The following SPAG16 variants were observed in gnomAD, a reference collection of about 807,000 sequenced individuals.
The protein encoded by SPAG16 is sperm associated antigen 16, also known as sperm-associated antigen 16 protein.
Under a neutral mutation model 80.4 loss-of-function variants are expected in SPAG16, and 86 were observed. The ratio of observed to expected loss-of-function variants is 1.07; its 90% CI spans 0.90 to 1.28. SPAG16 has a LOEUF of 1.28. Among genes scored for constraint, SPAG16 ranks in the 50% most tolerant of loss-of-function variants. The probability of loss-of-function intolerance (pLI) is 0.00; values close to 1 mark genes in which losing one functional copy is unlikely to be tolerated. For synonymous variants in SPAG16, 294 were observed against 265.9 expected (o/e 1.11, Z -1.03); for missense variants, 870 against 765.3 (o/e 1.14, Z -1.61).
chr2:213,791,760 T>C (rs1471504463), intron 10 of SPAG16, among the ~76,000 whole-genome samples: 1 of 152,202 alleles, frequency 6.6e-6, no homozygotes. Context: ...GACAGGCCCT[T>C]ATCATTTAAT....
intron 12 of SPAG16, among the ~76,000 whole-genome samples, chr2:214,001,038 A>G (rs1266398765): frequency 6.6e-6 from 1 of 152,232 alleles, no homozygotes; most frequent in East Asian, 1.9e-4. Context: ...GGAGGTAGAT[A>G]TGGAAAGGAA....
At position 213,957,929 on chromosome 2, in the gene SPAG16, G is replaced by T. The variant is rs1912504; in HGVS notation, c.1400+27784G>T. Among the ~76,000 whole-genome samples, 190 of 152,120 alleles carry T rather than the reference G, an allele frequency of 1.2e-3. 2 individuals are homozygous for T. The East Asian group carries it at 0.021, about 17-fold the overall frequency. ...GACAGCCACTCTCTAGAAAAGCCCC[G>T]ACTGGGAGGAGTATTAGATTGAGAT... is the stretch of plus-strand genomic sequence containing the variant. On this transcript the variant is annotated intron_variant, in intron 12 of 15. Coordinates refer to ENST00000331683, the MANE Select transcript of SPAG16 (RefSeq NM_024532.5).
At chr2:213,374,969 A>G in intron 8 of SPAG16, 41 bp from the exon 9 acceptor site, 2 of 1,417,682 alleles carry the variant, frequency 1.4e-6, no homozygotes, top group South Asian at 2.6e-5. Flanking sequence ...TTATACCGAT[A>G]AACAGTGCAA....
Position 213,642,818 on chromosome 2 carries a change from CTCAAAAAAAAAAAAAAAAAAAAAAAAAA to C in SPAG16, c.1070+152729_1070+152756del, listed in dbSNP as rs2062643675. Among the ~76,000 whole-genome samples, 2 of 20,672 alleles carry C rather than the reference CTCAAAAAAAAAAAAAAAAAAAAAAAAAA, an allele frequency of 9.7e-5. 1 individual carries two copies. Among genetic ancestry groups the C allele is most frequent in the Non-Finnish European group, 2.3e-4 (2 of 8,784 alleles). The allele number at this position is 20,672 out of a possible 152,430, so 13.6% of individuals were successfully genotyped here. On this transcript the variant is annotated intron_variant, in intron 10 of 15. Transcript: ENST00000331683. ...CCTGGGCGACAGAGCGAGACTCTGT[CTCAAAAAAAAAAAAAAAAAAAAAAAAAA>C]AAAGAGAGACTGGTCTAACCTCCCA...
chr2:213,985,459 C>G (rs1235408985), intron 12 of SPAG16, among the ~76,000 whole-genome samples: 1 of 152,028 alleles, frequency 6.6e-6, no homozygotes, highest in Non-Finnish European at 1.5e-5. Flanking sequence ...CAAATACTGA[C>G]AAATCTATTT....
At chr2:214,302,359 C>T (rs970106684) in intron 15 of SPAG16, among the ~76,000 whole-genome samples, 21 of 152,132 alleles carry the variant, frequency 1.4e-4, no homozygotes, top group Non-Finnish European at 8.8e-5. Flanking sequence ...TTGATAATGC[C>T]GTCATGTAAT....
intron 10 of SPAG16, among the ~76,000 whole-genome samples, chr2:213,722,080 G>T (rs986876553): frequency 2.0e-5 from 3 of 152,024 alleles, no homozygotes; most frequent in Non-Finnish European, 4.4e-5. Flanking sequence ...GCCCTCAAGG[G>T]GGAAGAAATA....
intron 15 of SPAG16, among the ~76,000 whole-genome samples, chr2:214,300,800 C>A (rs961981867): frequency 6.6e-6 from 1 of 151,738 alleles, no homozygotes; most frequent in African/African-American, 2.4e-5. Flanking sequence ...GGCCCAGGAG[C>A]GGATGGATTC....
At chr2:213,373,091 A>G (rs2066721168) in intron 8 of SPAG16, among the ~76,000 whole-genome samples, 1 of 152,166 alleles carries the variant, frequency 6.6e-6, no homozygotes, top group Non-Finnish European at 1.5e-5. Context: ...GGAAAACTGC[A>G]CAGTACCTGT....
At chr2:213,674,712 A>G (rs544207406) in intron 10 of SPAG16, among the ~76,000 whole-genome samples, 3 of 150,158 alleles carry the variant, frequency 2.0e-5, no homozygotes, top group African/African-American at 7.6e-5. Context: ...AAGGACGTGA[A>G]CTCATCATTT....
chr2:213,427,616 G>A (rs2070018470), intron 9 of SPAG16, among the ~76,000 whole-genome samples: 1 of 152,078 alleles, frequency 6.6e-6, no homozygotes, highest in Non-Finnish European at 1.5e-5. Context: ...CTGTCTATAG[G>A]TGGATGTGAA....
intron 10 of SPAG16, among the ~76,000 whole-genome samples, chr2:213,633,254 A>T (rs12620874): frequency 0.27 from 40,693 of 152,092 alleles, 6,360 homozygotes; most frequent in Middle Eastern, 0.43. Flanking sequence ...ATATGTTGGC[A>T]TATAGTTGCT....
intron 10 of SPAG16, among the ~76,000 whole-genome samples, chr2:213,557,711 C>T (rs888931090): frequency 1.3e-5 from 2 of 152,174 alleles, no homozygotes; most frequent in Non-Finnish European, 2.9e-5. Context: ...CCTCATCTTC[C>T]TGAGTAGCTG....
intron 10 of SPAG16, among the ~76,000 whole-genome samples, chr2:213,584,322 C>T (rs1446466483): frequency 2.0e-5 from 3 of 152,024 alleles, no homozygotes; most frequent in African/African-American, 7.3e-5. Context: ...AGTTGGGTTA[C>T]TGACATTGGA....
At chr2:214,142,597 T>A (rs1318838601) in intron 14 of SPAG16, among the ~76,000 whole-genome samples, 4 of 152,154 alleles carry the variant, frequency 2.6e-5, no homozygotes, top group Non-Finnish European at 4.4e-5. Context: ...AGTTCCAGGG[T>A]GACCTAGGAT....
At chr2:213,709,209 G>GT (rs2065878188) in intron 10 of SPAG16, among the ~76,000 whole-genome samples, 1 of 152,168 alleles carries the variant, frequency 6.6e-6, no homozygotes, top group African/African-American at 2.4e-5. Context: ...TATTGGCAAA[G>GT]TTGAAACATC....
chr2:213,811,288 C>G (rs1460339415), intron 10 of SPAG16, among the ~76,000 whole-genome samples: 3 of 152,020 alleles, frequency 2.0e-5, no homozygotes, highest in African/African-American at 7.2e-5. Flanking sequence ...TTTGCTAAGA[C>G]CAATAATTAG....
intron 9 of SPAG16, among the ~76,000 whole-genome samples, chr2:213,434,160 T>C (rs1188830431): frequency 1.3e-5 from 2 of 152,022 alleles, no homozygotes; most frequent in Admixed American, 6.6e-5. Context: ...CCTCAGGTGA[T>C]CCACCTGCCT....
chr2:214,063,861 C>A (rs183207452), intron 13 of SPAG16, among the ~76,000 whole-genome samples: 130 of 152,182 alleles, frequency 8.5e-4, no homozygotes, highest in African/African-American at 3.1e-3. Context: ...TATTATCTAT[C>A]TCTCCTCTCA....
Sources: gnomAD v4.1 joint callset for allele counts (sites outside exome capture counted in the v4.1 genomes callset) on GRCh38, gnomAD v4.1.1 for gene constraint, MANE v1.5 for transcripts, NCBI Gene and HGNC (gene_info 2026-07-23, HGNC 2026-07-21) for gene names.